Variants in STK3 observed in about 807,000 individuals in gnomAD.
The protein encoded by STK3 is serine/threonine-protein kinase 3.
In STK3, 41 loss-of-function variants were observed where a neutral mutation model predicts 58.0. That is an observed-to-expected ratio of 0.71 (90% CI 0.55 to 0.92). The LOEUF is 0.92. Among genes scored for constraint, STK3 ranks in the 40% least tolerant of loss-of-function variants. The probability of loss-of-function intolerance (pLI) is 0.00; values close to 1 mark genes in which losing one functional copy is unlikely to be tolerated. For synonymous variants in STK3, 170 were observed against 191.0 expected, an observed-to-expected ratio of 0.89 and a Z score of 0.91; for missense variants, 479 against 602.7, an observed-to-expected ratio of 0.79 and a Z score of 2.15.
downstream of STK3, chr8:98,881,928 G>A (rs1837807793): frequency 6.6e-6 from 1 of 152,078 alleles, no homozygotes; most frequent in African/African-American, 2.4e-5. Context: ...TTGAGGCCAT[G>A]GTGAGCTAGG....
At chr8:98,779,174 C>T (rs998318308) in intron 1 of STK3, among the ~76,000 whole-genome samples, 47 of 152,024 alleles carry the variant, frequency 3.1e-4, no homozygotes, top group African/African-American at 1.1e-3. Context: ...ATAATAGTAA[C>T]CTTTCAATCA....
At position 98,846,980 on chromosome 8, in the gene STK3, C is replaced by A. The variant is rs545291888; in HGVS notation, c.110+36667G>T. 2.0e-4 allele frequency among the ~76,000 whole-genome samples: 30 copies of A among 152,166 alleles called. 1 individual carries two copies. Among genetic ancestry groups the A allele is most frequent in the African/African-American group, 7.2e-4 (30 of 41,504 alleles). On this transcript the variant is annotated intron_variant, in intron 3 of 12. Coordinates refer to the STK3 transcript ENST00000523601. ...CTCTCTTTCTCCCCAAAAGAAGAAA[C>A]CTCAAAACTCATCTAGTCACCATAT...
intron 1 of STK3, among the ~76,000 whole-genome samples, chr8:98,893,894 G>T (rs1838354721): frequency 1.3e-5 from 2 of 152,112 alleles, no homozygotes; most frequent in South Asian, 4.1e-4. Context: ...ATAATTTTTT[G>T]CTTATCACAG....
rs558053824 is a variant in STK3 at position 98,723,722 on chromosome 8, G to GC, written c.352-16412dup. Reference sequence around the variant, plus strand: ...TAAGGATACAAAAAATTAGACATACGCCCCCCTTTTCAAATGCCATAAATA... The same window carrying GC: ...TAAGGATACAAAAAATTAGACATACGCCCCCCCTTTTCAAATGCCATAAATA... On this transcript the variant is annotated intron_variant, in intron 4 of 10. Coordinates refer to ENST00000419617, the MANE Select transcript of STK3 (RefSeq NM_006281.4). 1.9e-3 allele frequency among the ~76,000 whole-genome samples: 290 copies of GC among 151,824 alleles called. 1 individual carries two copies. Among genetic ancestry groups the GC allele is most frequent in the Admixed American group, 4.6e-3 (70 of 15,254 alleles).
intron 6 of STK3, among the ~76,000 whole-genome samples, chr8:98,614,612 CGA>C (rs1817508968): frequency 6.7e-5 from 10 of 149,668 alleles, no homozygotes; most frequent in Admixed American, 1.3e-4. Flanking sequence ...GCACCGTGCG[CGA>C]GCCGAAGCAG....
intron 3 of STK3, among the ~76,000 whole-genome samples, chr8:98,860,772 G>C (rs1011516563): frequency 6.6e-6 from 1 of 152,102 alleles, no homozygotes; most frequent in Non-Finnish European, 1.5e-5. Flanking sequence ...ATCTGGACAC[G>C]GGGTGGATGC....
At chr8:98,426,962 C>G (rs1416744788) in intron 3 of STK3, 24 of 150,954 alleles carry the variant, frequency 1.6e-4, no homozygotes, top group South Asian at 6.1e-4. Flanking sequence ...TCAGCACCAC[C>G]GCGCCGCGCC....
intron 1 of STK3, among the ~76,000 whole-genome samples, chr8:98,808,873 G>A (rs1334008933): frequency 6.6e-6 from 1 of 152,176 alleles, no homozygotes; most frequent in Non-Finnish European, 1.5e-5. Context: ...GGTCACCCAA[G>A]AAATCAATCA....
chr8:98,603,750 C>A (rs532556075), intron 6 of STK3, among the ~76,000 whole-genome samples: 25 of 150,282 alleles, frequency 1.7e-4, no homozygotes, highest in Non-Finnish European at 3.1e-4. Context: ...GGAAGCGGGG[C>A]CTGGGAAGGA....
chr8:98,387,855 A>G, intron 1 of STK3, among the ~76,000 whole-genome samples: 1 of 149,126 alleles, frequency 6.7e-6, no homozygotes, highest in African/African-American at 2.5e-5. Context: ...AAGAAACCAG[A>G]GCTCTTTGTA....
At chr8:98,653,675 C>T (rs1821185521) in intron 6 of STK3, among the ~76,000 whole-genome samples, 1 of 152,158 alleles carries the variant, frequency 6.6e-6, no homozygotes, top group African/African-American at 2.4e-5. Flanking sequence ...CACAGAAATA[C>T]AAACTACCAT....
intron 6 of STK3, among the ~76,000 whole-genome samples, chr8:98,687,828 G>A (rs7818828): frequency 0.38 from 57,491 of 152,004 alleles, 11,241 homozygotes; most frequent in Admixed American, 0.48. Context: ...AAAAGCACAC[G>A]TAAAGCACAT....
At chr8:98,844,974 A>G (rs1188729669) in intron 3 of STK3, among the ~76,000 whole-genome samples, 1 of 152,178 alleles carries the variant, frequency 6.6e-6, no homozygotes, top group Non-Finnish European at 1.5e-5. Flanking sequence ...AAAACTGACA[A>G]TGGTTGGAGC....
intron 6 of STK3, among the ~76,000 whole-genome samples, chr8:98,705,976 C>T (rs938909035): frequency 3.3e-5 from 5 of 150,966 alleles, no homozygotes; most frequent in Non-Finnish European, 5.9e-5. Flanking sequence ...AAAAATTAGC[C>T]GAATTCCTTT....
intron 8 of STK3, among the ~76,000 whole-genome samples, chr8:98,575,775 A>G (rs1293649879): frequency 3.3e-5 from 5 of 151,802 alleles, no homozygotes; most frequent in Non-Finnish European, 5.9e-5. Flanking sequence ...CCCAGCTTCT[A>G]TACATTTTGG....
chr8:98,787,097 A>G lies in STK3; in HGVS notation c.27-12278T>C, dbSNP rs1021915774. ...GGCAGAAGAATCACTTGAACCCAGG[A>G]GCTGGAGGTTGCAGTGAGCTGAGGT... On this transcript the variant is annotated intron_variant, in intron 1 of 10. Coordinates refer to ENST00000419617, the MANE Select transcript of STK3 (RefSeq NM_006281.4). 3.0e-5 allele frequency among the ~76,000 whole-genome samples: 4 copies of G among 131,734 alleles called. No individual in the cohort carries two copies. The East Asian group carries it at 7.9e-4, about 26-fold the overall frequency. The allele number at this position is 131,734 out of a possible 152,430, so 86.4% of individuals were successfully genotyped here.
chr8:98,773,937 C>G (rs549934174), intron 2 of STK3, among the ~76,000 whole-genome samples: 1 of 152,142 alleles, frequency 6.6e-6, no homozygotes, highest in South Asian at 2.1e-4. Context: ...GCTGGGATTA[C>G]AGGCACCCGC....
At position 98,448,328 on chromosome 8, in the gene STK3, T is replaced by A. The variant is rs962541886; in HGVS notation, n.186-11120A>T. Among the ~76,000 whole-genome samples the A allele has an allele frequency of 1.4e-4, 21 of 152,188 alleles. 1 individual carries two copies. The highest frequency in any genetic ancestry group is 1.4e-3 in the Admixed American group (21 of 15,268). The stretch of plus-strand genomic sequence containing the variant: ...TTCATGAATTTGCACACTGATTGAT[T>A]AATAATGAAACAATTCCACATTTCA... On this transcript the variant is annotated intron_variant and non_coding_transcript_variant, in intron 1 of 3. Transcript: ENST00000517832.
At chr8:98,416,364 GTTTTTTTTTTTTT>G (rs57447680) in intron 3 of STK3, among the ~76,000 whole-genome samples, 1 of 79,532 alleles carries the variant, frequency 1.3e-5, no homozygotes, top group African/African-American at 5.0e-5. Context: ...GTTTGAAACT[GTTTTTTTTTTTTT>G]TTTTTTTTTG....
Sources: gnomAD v4.1 joint callset for allele counts (sites outside exome capture counted in the v4.1 genomes callset) on GRCh38, gnomAD v4.1.1 for gene constraint, MANE v1.5 for transcripts, NCBI Gene and HGNC (gene_info 2026-07-23, HGNC 2026-07-21) for gene names.